Variants in TRIM26 observed in about 807,000 individuals in gnomAD.
TRIM26 encodes the protein tripartite motif containing 26.
Under a neutral mutation model 45.5 loss-of-function variants are expected in TRIM26, and 16 were observed. The observed-to-expected ratio is 0.35, with a 90% CI of 0.24 to 0.53. TRIM26 has a LOEUF of 0.53. Among genes scored for constraint, TRIM26 ranks in the 20% least tolerant of loss-of-function variants. The pLI is 0.92. For synonymous variants in TRIM26, 273 were observed against 290.4 expected (o/e 0.94, Z 0.61); for missense variants, 442 against 691.1 (o/e 0.64, Z 4.04).
At chr6:30,193,182 A>ATATATATATATATATATTTT (rs9280916) in intron 6 of TRIM26, among the ~76,000 whole-genome samples, 1 of 38,820 alleles carries the variant, frequency 2.6e-5, no homozygotes, top group African/African-American at 1.2e-4. Context: ...ATATATATAT[A>ATATATATATATATATATTTT]TTTTTTTTTT....
intron 9 of TRIM26, among the ~76,000 whole-genome samples, chr6:30,188,793 G>C (rs1252026737): frequency 1.3e-5 from 2 of 152,118 alleles, no homozygotes; most frequent in Non-Finnish European, 2.9e-5. Flanking sequence ...CAATAGTGGG[G>C]CCTGTGGTGG....
intron 2 of TRIM26, among the ~76,000 whole-genome samples, chr6:30,201,431 C>T (rs1224367132): frequency 6.6e-6 from 1 of 152,106 alleles, no homozygotes; most frequent in East Asian, 1.9e-4. Context: ...GTATGTGTGA[C>T]TTTAAGAGAC....
In TRIM26 at chr6:30,185,613, A is replaced by C; in HGVS notation, c.*263T>G. Reference sequence around the variant, plus strand: ...GGCCAAGGTCGTGGTCAAAAAGGAAAGGAGCCCTCATGGACTCCAGGGTCA... The same window carrying C: ...GGCCAAGGTCGTGGTCAAAAAGGAACGGAGCCCTCATGGACTCCAGGGTCA... On this transcript the variant is annotated 3_prime_UTR_variant, in exon 10 of 10. Transcript: ENST00000454678. The surrounding 1 kb of genome is among the most constrained non-coding windows in gnomAD (Gnocchi z 5.7). 1.9e-6 allele frequency: 1 copy of C among 522,536 alleles called. No homozygotes were observed. The allele number at this position is 522,536 out of a possible 1,614,324, so 32.4% of individuals were successfully genotyped here.
Position 30,190,980 on chromosome 6 carries a change from A to G in TRIM26, c.766-945T>C, listed in dbSNP as rs1473289787. On this transcript the variant is annotated intron_variant, in intron 6 of 9. Coordinates refer to ENST00000454678, the MANE Select transcript of TRIM26 (RefSeq NM_003449.5). The surrounding 1 kb of genome is among the most constrained non-coding windows in gnomAD (Gnocchi z 4.3). ...GTGACCACTCACTTGGCTGCCCCACAGAGAAGGGACTAAGGAGGCAAGAGG... is the reference window on the plus strand; with the variant it reads ...GTGACCACTCACTTGGCTGCCCCACGGAGAAGGGACTAAGGAGGCAAGAGG... Among the ~76,000 whole-genome samples, 1 of 152,210 alleles carries G rather than the reference A, an allele frequency of 6.6e-6. No homozygotes were observed. Among genetic ancestry groups the G allele is most frequent in the Non-Finnish European group, 1.5e-5 (1 of 68,042 alleles).
chr6:30,202,662 T>C (rs1777304589), intron 2 of TRIM26, among the ~76,000 whole-genome samples: 1 of 152,214 alleles, frequency 6.6e-6, no homozygotes, highest in South Asian at 2.1e-4. Flanking sequence ...TGAATGAATC[T>C]AGTCAAGACT....
Position 30,198,985 on chromosome 6 carries a change from G to C in TRIM26, c.119C>G (p.Thr40Ser), listed in dbSNP as rs1192297843. 1.2e-6 allele frequency: 2 copies of C among 1,612,500 alleles called. No individual in the cohort carries two copies. The highest frequency in any genetic ancestry group is 2.2e-5 in the South Asian group (2 of 91,038). The change falls in exon 4 of 10, where the codon ACC (threonine) becomes AGC (serine). Residue 40 changes from threonine (T) to serine (S), a missense_variant. Physicochemically the swap from Thr to Ser is moderately conservative, Grantham distance 58 (BLOSUM62 1). Transcript: ENST00000454678. The surrounding 1 kb of genome is among the most constrained non-coding windows in gnomAD (Gnocchi z 6.3). ...CCCTGAGATGGGGCGGACGTCTGTGGTGCAGCTGCGGCAGAAGACGTGGCC... is the reference window on the plus strand; with the variant it reads ...CCCTGAGATGGGGCGGACGTCTGTGCTGCAGCTGCGGCAGAAGACGTGGCC... ...DCGHVFCRSC[T>S]TDVRPISGSR...
chr6:30,200,124 T>C, intron 3 of TRIM26, among the ~76,000 whole-genome samples: 1 of 151,890 alleles, frequency 6.6e-6, no homozygotes, highest in East Asian at 1.9e-4. Flanking sequence ...AATTTAAAAA[T>C]TTTTTAAAAT....
Position 30,196,275 on chromosome 6 carries a change from T to C in TRIM26, c.765+241A>G, listed in dbSNP as rs894944051. ...TAATCTTCCCTTCCATTTTCTACTA[T>C]ACCATTTAGTTTTTTGAACAGTTTT... is the stretch of plus-strand genomic sequence containing the variant. On this transcript the variant is annotated intron_variant, in intron 6 of 9. Transcript: ENST00000454678. The surrounding 1 kb of genome is among the most constrained non-coding windows in gnomAD (Gnocchi z 4.9). Among the ~76,000 whole-genome samples the C allele has an allele frequency of 2.0e-5, 3 of 152,264 alleles. No individual in the cohort carries two copies. In the South Asian group the frequency reaches 6.2e-4, roughly 32 times the overall value.
In TRIM26 at chr6:30,184,539, G is replaced by A. The variant is rs1774947654; in HGVS notation, c.*1337C>T. On this transcript the variant is annotated 3_prime_UTR_variant, in exon 10 of 10. Transcript: ENST00000454678. ...TGAGAATACAAGAGTAGTATAAGAT[G>A]TTATCCGCCCTCCAGGAGCTTACAA... 1 of 152,480 alleles carries A rather than the reference G, an allele frequency of 6.6e-6. No individual in the cohort carries two copies. 9.4% of individuals were successfully genotyped at this position (152,480 alleles called of 1,614,324 possible).
At position 30,189,468 on chromosome 6, in the gene TRIM26, T is replaced by A; in HGVS notation, c.854A>T (p.Glu285Val). ...CAGAGAGAGGAGTTTATCTGAGAAT[T>A]CTCCGGTCTTTTTTTTAACCACTCG... ...IARVVKKKTG[E>V]FSDKLLSLQR... is the part of the protein sequence containing the mutation. Residue 285 changes from glutamate to valine, a missense_variant, in exon 8 of 10, where the codon GAA becomes GTA. Coordinates refer to ENST00000454678, the MANE Select transcript of TRIM26 (RefSeq NM_003449.5). This position sits in a 1 kb window ranked among gnomAD's most constrained non-coding sequence, Gnocchi z 5.0. 6.2e-7 allele frequency: 1 copy of A among 1,612,974 alleles called. No individual in the cohort carries two copies. The highest frequency in any genetic ancestry group is 8.5e-7 in the Non-Finnish European group (1 of 1,180,016).
chr6:30,194,163 A>G (rs1220295187), intron 6 of TRIM26, among the ~76,000 whole-genome samples: 1 of 152,258 alleles, frequency 6.6e-6, no homozygotes, highest in African/African-American at 2.4e-5. Flanking sequence ...ACTATTCACA[A>G]TAGTTGAGAT....
intron 6 of TRIM26, among the ~76,000 whole-genome samples, chr6:30,192,108 C>G (rs548755195): frequency 1.1e-4 from 16 of 152,170 alleles, no homozygotes; most frequent in Non-Finnish European, 7.4e-5. Flanking sequence ...CAGGAGCCCC[C>G]ATCCACAGCC....
chr6:30,198,831 C>T lies in TRIM26; in HGVS notation c.273G>A (p.Glu91=), dbSNP rs578014809. 6.2e-7 allele frequency: 1 copy of T among 1,612,726 alleles called. No individual in the cohort carries two copies. Among genetic ancestry groups the T allele is most frequent in the South Asian group, 1.1e-5 (1 of 91,080 alleles). The change falls in exon 4 of 10, where the codon GAG becomes GAA. Residue 91 remains glutamate (E), a synonymous_variant. Coordinates refer to ENST00000454678, the MANE Select transcript of TRIM26 (RefSeq NM_003449.5). The surrounding 1 kb of genome is among the most constrained non-coding windows in gnomAD (Gnocchi z 6.3). The part of the protein sequence containing the change: ...LKVDKGRQPG[E]VTREQQDAKL... ...TTGCATCCTGCTGCTCCCGGGTCAC[C>T]TCTCCCGGCTGCCTGCCCTTGTCCA...
rs1775687952 is a variant in TRIM26 at position 30,190,256 on chromosome 6, T to C, written c.766-221A>G. 1 of 611,192 alleles carries C rather than the reference T, an allele frequency of 1.6e-6. No homozygotes were observed. The highest frequency in any genetic ancestry group is 2.9e-6 in the Non-Finnish European group (1 of 343,706). The allele number at this position is 611,192 out of a possible 1,614,324, so 37.9% of individuals were successfully genotyped here. A position where few individuals can be genotyped will look rare whatever the true frequency, so the allele number is the denominator to read the frequency against. On this transcript the variant is annotated intron_variant, in intron 6 of 9. Coordinates refer to ENST00000454678, the MANE Select transcript of TRIM26 (RefSeq NM_003449.5). The surrounding 1 kb of genome is among the most constrained non-coding windows in gnomAD (Gnocchi z 4.3). ...AAGCCACAATGGCTGGGAGATGACA[T>C]GGGCAACCTCTCTGGGAGATACCTG...
rs529133338 is a variant in TRIM26, at chr6:30,185,735, C to A, written c.*141G>T. On this transcript the variant is annotated 3_prime_UTR_variant, in exon 10 of 10. Coordinates refer to ENST00000454678, the MANE Select transcript of TRIM26 (RefSeq NM_003449.5). This position sits in a 1 kb window ranked among gnomAD's most constrained non-coding sequence, Gnocchi z 5.7. ...TGAGTGAGATTTCAGGGGGCCACAG[C>A]AATGGGGAGGTGGCTACCAGTGGAT... The A allele has an allele frequency of 8.9e-6, 8 of 903,428 alleles. No individual in the cohort carries two copies. Among genetic ancestry groups the A allele is most frequent in the East Asian group, 8.0e-5 (3 of 37,564 alleles). The allele number at this position is 903,428 out of a possible 1,614,324, so 56.0% of individuals were successfully genotyped here. A position where few individuals can be genotyped will look rare whatever the true frequency, so the allele number is the denominator to read the frequency against.
rs556723736 is a variant in TRIM26, at chr6:30,192,078, G to A, written c.766-2043C>T. Among the ~76,000 whole-genome samples, 90 of 152,264 alleles carry A rather than the reference G, an allele frequency of 5.9e-4. 1 individual carries two copies. Among genetic ancestry groups the A allele is most frequent in the African/African-American group, 6.3e-4 (26 of 41,556 alleles). On this transcript the variant is annotated intron_variant, in intron 6 of 9. Coordinates refer to ENST00000454678, the MANE Select transcript of TRIM26 (RefSeq NM_003449.5). ...AGAGCCAGGGCAGGGCTGGCCCTGA[G>A]GAGAAGAGGCTGAAAGACTCAGGAG...
At position 30,189,908 on chromosome 6, in the gene TRIM26, C is replaced by T. The variant is rs947335116; in HGVS notation, c.788+105G>A. 9.4e-6 allele frequency: 13 copies of T among 1,376,046 alleles called. No individual in the cohort carries two copies. Among genetic ancestry groups the T allele is most frequent in the Non-Finnish European group, 1.2e-5 (12 of 968,854 alleles). 85.2% of individuals were successfully genotyped at this position (1,376,046 alleles called of 1,614,324 possible). ...CAGGATGAACCATGGGATGTGAGTA[C>T]CTCTGGCACCATACCACTCCCCATG... On this transcript the variant is annotated intron_variant, in intron 7 of 9. Coordinates refer to ENST00000454678, the MANE Select transcript of TRIM26 (RefSeq NM_003449.5). This position sits in a 1 kb window ranked among gnomAD's most constrained non-coding sequence, Gnocchi z 5.0.
intron 6 of TRIM26, among the ~76,000 whole-genome samples, chr6:30,195,828 CA>C (rs1324762724): frequency 1.3e-5 from 2 of 152,130 alleles, no homozygotes; most frequent in African/African-American, 4.8e-5. Flanking sequence ...TCTACCCCTC[CA>C]AAGGGGACTG....
chr6:30,189,482 T>C lies in TRIM26; in HGVS notation c.840A>G (p.Lys280=), dbSNP rs755394707. ...WVGKPIARVV[K]KKTGEFSDKL... ...TATCTGAGAATTCTCCGGTCTTTTT[T>C]TTAACCACTCGAGCAATGGGTTTCC... The change falls in exon 8 of 10, where the codon AAA becomes AAG. Residue 280 remains lysine (K), a synonymous_variant. Transcript: ENST00000454678. This position sits in a 1 kb window ranked among gnomAD's most constrained non-coding sequence, Gnocchi z 5.0. The C allele has an allele frequency of 6.2e-7, 1 of 1,613,058 alleles. No homozygotes were observed. Among genetic ancestry groups the C allele is most frequent in the South Asian group, 1.1e-5 (1 of 91,080 alleles).
Sources: gnomAD v4.1 joint callset for allele counts (sites outside exome capture counted in the v4.1 genomes callset) on GRCh38, gnomAD v4.1.1 for gene constraint, Gnocchi (gnomAD v3.1) non-coding constraint, MANE v1.5 for transcripts, NCBI Gene and HGNC (gene_info 2026-07-23, HGNC 2026-07-21) for gene names.